The following CPNE8 variants were observed in gnomAD, a reference collection of about 807,000 sequenced individuals.
CPNE8 encodes copine-8.
CPNE8 carries 45 observed loss-of-function variants against 81.5 expected under a neutral mutation model. The observed-to-expected ratio is 0.55, with a 90% CI of 0.44 to 0.71. The LOEUF is 0.71. Ranked by LOEUF, CPNE8 falls within the 30% of genes least tolerant of loss-of-function variation. The probability of loss-of-function intolerance (pLI) is 0.00; values close to 1 mark genes in which losing one functional copy is unlikely to be tolerated. For missense variants in CPNE8, 594 were observed against 672.1 expected, an observed-to-expected ratio of 0.88 and a Z score of 1.28; for synonymous variants, 252 against 226.3, an observed-to-expected ratio of 1.11 and a Z score of -1.02.
At chr12:38,714,947 A>G (rs1008578758) in intron 13 of CPNE8, among the ~76,000 whole-genome samples, 1 of 152,128 alleles carries the variant, frequency 6.6e-6, no homozygotes, top group Non-Finnish European at 1.5e-5. Flanking sequence ...CTTTGAAGGA[A>G]AAGATATTAA....
intron 1 of CPNE8, among the ~76,000 whole-genome samples, chr12:38,904,605 A>T (rs1056844327): frequency 2.6e-5 from 4 of 151,522 alleles, no homozygotes; most frequent in Non-Finnish European, 5.9e-5. Flanking sequence ...AGTAGCTGGG[A>T]CTACAGGCGC....
At chr12:38,741,860 A>C (rs1281600677) in intron 10 of CPNE8, among the ~76,000 whole-genome samples, 1 of 152,218 alleles carries the variant, frequency 6.6e-6, no homozygotes, top group East Asian at 1.9e-4. Context: ...AAAAGTGGGC[A>C]AAGGATATGA....
At chr12:38,772,322 G>A (rs1941819784) in intron 7 of CPNE8, among the ~76,000 whole-genome samples, 1 of 151,792 alleles carries the variant, frequency 6.6e-6, no homozygotes, top group African/African-American at 2.4e-5. Context: ...AACACAAAAT[G>A]GACTAAGATA....
At chr12:38,773,497 TA>T (rs1302519951) in intron 7 of CPNE8, among the ~76,000 whole-genome samples, 6 of 152,022 alleles carry the variant, frequency 3.9e-5, no homozygotes, top group Admixed American at 2.6e-4. Flanking sequence ...TAAACTGGTT[TA>T]AAAAAATTGT....
At chr12:38,805,621 C>T (rs1430199016) in intron 6 of CPNE8, among the ~76,000 whole-genome samples, 2 of 106,070 alleles carry the variant, frequency 1.9e-5, no homozygotes, top group African/African-American at 7.0e-5. Context: ...TGTAACTAAC[C>T]TGCACAATGT....
At chr12:38,656,084 A>T (rs1938809368) in intron 19 of CPNE8, among the ~76,000 whole-genome samples, 1 of 151,268 alleles carries the variant, frequency 6.6e-6, no homozygotes, top group South Asian at 2.1e-4. Context: ...CATTTTTAAC[A>T]GAAAAAAATC....
chr12:38,792,359 GAAAT>G (rs1280113810), intron 6 of CPNE8, among the ~76,000 whole-genome samples: 2 of 149,402 alleles, frequency 1.3e-5, no homozygotes, highest in Non-Finnish European at 3.0e-5. Flanking sequence ...ACGAAAAAGA[GAAAT>G]AAAACTCAAA....
intron 14 of CPNE8, among the ~76,000 whole-genome samples, chr12:38,697,165 C>G (rs948123323): frequency 6.6e-6 from 1 of 152,114 alleles, no homozygotes; most frequent in Non-Finnish European, 1.5e-5. Context: ...AAAAAGAAAC[C>G]GTACCCATTA....
intron 13 of CPNE8, among the ~76,000 whole-genome samples, chr12:38,703,260 T>C (rs1011681369): frequency 2.0e-5 from 3 of 152,216 alleles, no homozygotes; most frequent in African/African-American, 7.2e-5. Flanking sequence ...TCATGTATTA[T>C]TAATTTATGT....
Position 38,902,268 on chromosome 12 carries a change from GAA to G in CPNE8, c.98+3167_98+3168del, listed in dbSNP as rs1565669800. Among the ~76,000 whole-genome samples the G allele has an allele frequency of 2.9e-4, 4 of 13,902 alleles. 1 individual carries two copies. The highest frequency in any genetic ancestry group is 5.8e-4 in the African/African-American group (3 of 5,192). The allele number at this position is 13,902 out of a possible 152,430, so 9.1% of individuals were successfully genotyped here. On this transcript the variant is annotated intron_variant, in intron 1 of 19. Transcript: ENST00000331366. ...AAGAAAGAAAGAAAAAAGAAAGAAAGAAAAAGAAAAGAAAGAAGGAAGGAAGG... is the reference window on the plus strand; with the variant it reads ...AAGAAAGAAAGAAAAAAGAAAGAAAGAAAGAAAAGAAAGAAGGAAGGAAGG...
At chr12:38,748,540 G>T (rs190671135) in intron 10 of CPNE8, among the ~76,000 whole-genome samples, 1 of 150,720 alleles carries the variant, frequency 6.6e-6, no homozygotes, top group Non-Finnish European at 1.5e-5. Context: ...TCGCTCTGTC[G>T]CCCAGGCTGG....
chr12:38,853,694 G>T (rs190518849), intron 3 of CPNE8, among the ~76,000 whole-genome samples: 11 of 152,124 alleles, frequency 7.2e-5, no homozygotes. Flanking sequence ...TTTGTTTTAT[G>T]CTTGAGCTAA....
rs573954865 is a variant in CPNE8, at chr12:38,811,319, G to A, written c.407+18060C>T. 3.0e-4 allele frequency among the ~76,000 whole-genome samples: 46 copies of A among 151,934 alleles called. No individual in the cohort carries two copies. The East Asian group carries it at 7.9e-3, about 26-fold the overall frequency. ...GATTATTACAGAACAATGAGAAAAA[G>A]ACTAAACTACAACAAAAAAAGCTCG... On this transcript the variant is annotated intron_variant, in intron 6 of 19. Transcript: ENST00000331366.
intron 2 of CPNE8, among the ~76,000 whole-genome samples, chr12:38,873,502 G>C (rs1271896434): frequency 3.9e-5 from 6 of 152,066 alleles, no homozygotes; most frequent in Admixed American, 2.6e-4. Flanking sequence ...TTTATAAATA[G>C]GTAAGAAATC....
At chr12:38,660,960 A>T (rs1938938642) in intron 19 of CPNE8, among the ~76,000 whole-genome samples, 1 of 152,220 alleles carries the variant, frequency 6.6e-6, no homozygotes, top group South Asian at 2.1e-4. Context: ...AGGAAACAAC[A>T]GATGCTGGAG....
At chr12:38,780,932 A>G (rs2136903223) in intron 6 of CPNE8, among the ~76,000 whole-genome samples, 1 of 152,130 alleles carries the variant, frequency 6.6e-6, no homozygotes, top group East Asian at 1.9e-4. Context: ...AGCCAAGGAA[A>G]TACTAAATAC....
chr12:38,806,064 A>G (rs373230497), intron 6 of CPNE8, among the ~76,000 whole-genome samples: 2 of 150,380 alleles, frequency 1.3e-5, no homozygotes, highest in Non-Finnish European at 3.0e-5. Flanking sequence ...AAGAAGTTGA[A>G]TCTCTGAATA....
At chr12:38,807,975 T>C (rs1343983778) in intron 6 of CPNE8, among the ~76,000 whole-genome samples, 1 of 151,954 alleles carries the variant, frequency 6.6e-6, no homozygotes, top group Non-Finnish European at 1.5e-5. Context: ...AAGAAGACAT[T>C]TATGCAGCCA....
At chr12:38,902,376 G>GAAAGAAAGAAAGAAAGA (rs1555172166) in intron 1 of CPNE8, among the ~76,000 whole-genome samples, 13 of 80,332 alleles carry the variant, frequency 1.6e-4, no homozygotes, top group African/African-American at 8.7e-4. Context: ...AAGAAAGAAA[G>GAAAGAAAGAAAGAAAGA]AAAGAAAAGA....
Sources: gnomAD v4.1 joint callset for allele counts (sites outside exome capture counted in the v4.1 genomes callset) on GRCh38, gnomAD v4.1.1 for gene constraint, MANE v1.5 for transcripts, NCBI Gene and HGNC (gene_info 2026-07-23, HGNC 2026-07-21) for gene names.